The following PAFAH1B2 variants were observed in gnomAD, a reference collection of about 807,000 sequenced individuals.
The protein encoded by PAFAH1B2 is platelet-activating factor acetylhydrolase IB subunit alpha2.
PAFAH1B2 carries 8 observed loss-of-function variants against 28.0 expected under a neutral mutation model. The ratio of observed to expected loss-of-function variants is 0.29; its 90% CI spans 0.17 to 0.52. The LOEUF is 0.52. Among genes scored for constraint, PAFAH1B2 ranks in the 20% least tolerant of loss-of-function variants. The probability of loss-of-function intolerance (pLI) is 0.97; values close to 1 mark genes in which losing one functional copy is unlikely to be tolerated. For synonymous variants in PAFAH1B2, 104 were observed against 103.2 expected, an observed-to-expected ratio of 1.01 and a Z score of -0.05; for missense variants, 190 against 282.6, an observed-to-expected ratio of 0.67 and a Z score of 2.35.
intron 1 of PAFAH1B2, among the ~76,000 whole-genome samples, chr11:117,145,347 C>T (rs75660898): frequency 3.9e-5 from 6 of 152,268 alleles, no homozygotes; most frequent in African/African-American, 7.2e-5. Flanking sequence ...TCGGAGCTTT[C>T]GCCTCTTTGT....
chr11:117,177,374 A>G (rs1023491527), downstream of PAFAH1B2, among the ~76,000 whole-genome samples: 2 of 152,226 alleles, frequency 1.3e-5, no homozygotes, highest in African/African-American at 4.8e-5. Context: ...AATGATATAC[A>G]ATATGTGTTA....
At position 117,169,179 on chromosome 11, in the gene PAFAH1B2, T is replaced by C; in HGVS notation, c.*1480T>C. The C allele has an allele frequency of 9.7e-7, 1 of 1,029,984 alleles. No homozygotes were observed. Among genetic ancestry groups the C allele is most frequent in the Non-Finnish European group, 1.2e-6 (1 of 856,890 alleles). 63.8% of individuals were successfully genotyped at this position (1,029,984 alleles called of 1,614,324 possible). The stretch of plus-strand genomic sequence containing the variant: ...TGAAGCTGCTCTTCAGCATAGACAC[T>C]ACCTTTATCCCATCATTTTAGTAAA... On this transcript the variant is annotated 3_prime_UTR_variant, in exon 6 of 6. Transcript: ENST00000527958.
In PAFAH1B2 at chr11:117,176,074, T is replaced by C. The variant is rs760748185; in HGVS notation, c.*1176T>C. On this transcript the variant is annotated 3_prime_UTR_variant, in exon 6 of 6. Coordinates refer to the PAFAH1B2 transcript ENST00000419197. ...TCTCTGATTCATATTCGCCTAGATG[T>C]GCTGGAAACAGTACTGGACCAAGGT... 438 of 759,092 alleles carry C rather than the reference T, an allele frequency of 5.8e-4. 1 individual carries two copies. The highest frequency in any genetic ancestry group is 7.9e-4 in the Non-Finnish European group (354 of 446,260). The allele number at this position is 759,092 out of a possible 1,614,324, so 47.0% of individuals were successfully genotyped here.
In PAFAH1B2 at chr11:117,168,725, C is replaced by T. The variant is rs551837970; in HGVS notation, c.*1026C>T. 3.8e-6 allele frequency: 4 copies of T among 1,051,368 alleles called. No homozygotes were observed. The highest frequency in any genetic ancestry group is 5.1e-5 in the East Asian group (1 of 19,538). 65.1% of individuals were successfully genotyped at this position (1,051,368 alleles called of 1,614,324 possible). On this transcript the variant is annotated 3_prime_UTR_variant, in exon 6 of 6. Coordinates refer to ENST00000527958, the MANE Select transcript of PAFAH1B2 (RefSeq NM_002572.4). ...ACTCTTGTTTCCCATTCCATAGCAC[C>T]TGACATTATTTCAAGTTTTATAATA...
intron 3 of PAFAH1B2, among the ~76,000 whole-genome samples, chr11:117,160,853 G>A (rs758183734): frequency 1.3e-5 from 2 of 150,840 alleles, no homozygotes; most frequent in Non-Finnish European, 2.9e-5. Context: ...TGTTTCTGTA[G>A]TTCAATAAGT....
At chr11:117,144,771 G>A (rs1210676813) in intron 1 of PAFAH1B2, among the ~76,000 whole-genome samples, 1 of 139,026 alleles carries the variant, frequency 7.2e-6, no homozygotes, top group Admixed American at 7.1e-5. Context: ...CTGCCCTGCC[G>A]GGCCCACCCG....
At chr11:117,159,652 T>C (rs1956325719) in intron 2 of PAFAH1B2, 1 of 321,190 alleles carries the variant, frequency 3.1e-6, no homozygotes, top group Non-Finnish European at 5.8e-6. Context: ...GGAAGATGAC[T>C]TGAGCCCCTG....
downstream of PAFAH1B2, among the ~76,000 whole-genome samples, chr11:117,174,164 T>TGTGTGTGTGTGTGTGTG (rs1555034628): frequency 6.8e-4 from 94 of 138,912 alleles, no homozygotes; most frequent in Non-Finnish European, 1.0e-3. Context: ...TTCATGTCTT[T>TGTGTGTGTGTGTGTGTG]TGTGTGTGTG....
chr11:117,149,024 C>T (rs967724230), intron 1 of PAFAH1B2, among the ~76,000 whole-genome samples: 10 of 143,474 alleles, frequency 7.0e-5, no homozygotes, highest in Admixed American at 7.3e-5. Flanking sequence ...CGCACCACAA[C>T]ACCTGCCAAT....
At chr11:117,156,486 A>G (rs1345441112) in intron 2 of PAFAH1B2, among the ~76,000 whole-genome samples, 2 of 152,210 alleles carry the variant, frequency 1.3e-5, no homozygotes, top group Admixed American at 1.3e-4. Flanking sequence ...AGAGGTGTCC[A>G]TGATGCTTAA....
chr11:117,162,592 C>T (rs576111651), intron 4 of PAFAH1B2, among the ~76,000 whole-genome samples: 13 of 148,768 alleles, frequency 8.7e-5, no homozygotes, highest in Non-Finnish European at 1.8e-4. Context: ...TGGTGAAACC[C>T]TGTCTCTAGA....
Position 117,167,773 on chromosome 11 carries a change from T to G in PAFAH1B2, c.*74T>G. 2 of 1,391,156 alleles carry G rather than the reference T, an allele frequency of 1.4e-6. No individual in the cohort carries two copies. Among genetic ancestry groups the G allele is most frequent in the Non-Finnish European group, 9.4e-7 (1 of 1,065,940 alleles). The allele number at this position is 1,391,156 out of a possible 1,614,324, so 86.2% of individuals were successfully genotyped here. A position where few individuals can be genotyped will look rare whatever the true frequency, so the allele number is the denominator to read the frequency against. ...TATCACTGGCACTACAGAATCCTTC[T>G]CTTTCTTAAGGCACTTTGCATTGTA... is the stretch of plus-strand genomic sequence containing the variant. On this transcript the variant is annotated 3_prime_UTR_variant, in exon 6 of 6. Coordinates refer to ENST00000527958, the MANE Select transcript of PAFAH1B2 (RefSeq NM_002572.4).
chr11:117,146,967 A>G (rs888062583), intron 1 of PAFAH1B2, among the ~76,000 whole-genome samples: 1 of 151,864 alleles, frequency 6.6e-6, no homozygotes, highest in Non-Finnish European at 1.5e-5. Flanking sequence ...CCCTATCTCA[A>G]AAAAAACAAA....
rs991287002 is a variant in PAFAH1B2, at chr11:117,169,301, A to G, written c.*1602A>G. ...CGAGCTATATAAGAACTGCCATTAA[A>G]AAAAATGGGATAATAGATGATTTTA... is the stretch of plus-strand genomic sequence containing the variant. On this transcript the variant is annotated 3_prime_UTR_variant, in exon 6 of 6. Transcript: ENST00000527958. The G allele has an allele frequency of 1.8e-5, 19 of 1,044,088 alleles. No homozygotes were observed. The African/African-American group carries it at 3.0e-4, about 17-fold the overall frequency. The allele number at this position is 1,044,088 out of a possible 1,614,324, so 64.7% of individuals were successfully genotyped here. A position where few individuals can be genotyped will look rare whatever the true frequency, so the allele number is the denominator to read the frequency against.
At chr11:117,145,334 C>G (rs536078386) in intron 1 of PAFAH1B2, among the ~76,000 whole-genome samples, 39 of 152,292 alleles carry the variant, frequency 2.6e-4, no homozygotes, top group African/African-American at 8.4e-4. Flanking sequence ...CAAGAACTAA[C>G]ACTCGGAGCT....
In PAFAH1B2 at chr11:117,167,465, G is replaced by A. The variant is rs1480018466; in HGVS notation, c.456G>A (p.Lys152=). The A allele has an allele frequency of 1.3e-5, 20 of 1,599,482 alleles. No individual in the cohort carries two copies. Among genetic ancestry groups the A allele is most frequent in the Non-Finnish European group, 1.6e-5 (19 of 1,170,034 alleles). ...AGAAACCCAATCCTTTGAGGCAAAA[G>A]AACGCCAAGGTGAACCAACTCCTCA... The part of the protein sequence containing the change: ...RGEKPNPLRQ[K]NAKVNQLLKV... The change falls in exon 6 of 6, where the codon AAG becomes AAA. Residue 152 remains lysine (K), a synonymous_variant. Transcript: ENST00000527958.
chr11:117,161,526 TG>T (rs1007213069), intron 4 of PAFAH1B2, among the ~76,000 whole-genome samples: 1 of 151,626 alleles, frequency 6.6e-6, no homozygotes, highest in African/African-American at 2.4e-5. Flanking sequence ...TTTTTTTTTT[TG>T]AGATGGAGTC....
intron 5 of PAFAH1B2, among the ~76,000 whole-genome samples, chr11:117,165,799 G>T (rs1270393957): frequency 6.6e-6 from 1 of 151,918 alleles, no homozygotes; most frequent in Non-Finnish European, 1.5e-5. Context: ...GCCTGGGATG[G>T]TTAGGAGAAG....
At chr11:117,175,071 G>A, downstream of PAFAH1B2, 2 of 1,295,610 alleles carry the variant, frequency 1.5e-6, no homozygotes, top group Non-Finnish European at 2.0e-6. Flanking sequence ...CATTTCTTTG[G>A]TCCATTCAAC....
Sources: gnomAD v4.1 joint callset for allele counts (sites outside exome capture counted in the v4.1 genomes callset) on GRCh38, gnomAD v4.1.1 for gene constraint, MANE v1.5 for transcripts, NCBI Gene and HGNC (gene_info 2026-07-23, HGNC 2026-07-21) for gene names.